The following MACO1 variants were observed in gnomAD, a reference collection of about 807,000 sequenced individuals.
MACO1 encodes macoilin 1.
In MACO1, 14 loss-of-function variants were observed where a neutral mutation model predicts 78.7. The observed-to-expected ratio is 0.18, with a 90% confidence interval of 0.12 to 0.28. MACO1 has a LOEUF of 0.28. Ranked by LOEUF, MACO1 falls within the 10% of genes least tolerant of loss-of-function variation. The pLI is 1.00. For synonymous variants in MACO1, 288 were observed against 291.6 expected, an observed-to-expected ratio of 0.99 and a Z score of 0.12; for missense variants, 501 against 799.0, an observed-to-expected ratio of 0.63 and a Z score of 4.50.
intron 5 of MACO1, among the ~76,000 whole-genome samples, chr1:25,458,087 G>A (rs1330541500): frequency 3.3e-5 from 5 of 152,278 alleles, no homozygotes; most frequent in African/African-American, 7.2e-5. Context: ...TACACAAAGT[G>A]TGACCTAATT....
intron 6 of MACO1, among the ~76,000 whole-genome samples, chr1:25,477,667 T>G (rs150504556): frequency 6.6e-6 from 1 of 152,338 alleles, no homozygotes; most frequent in East Asian, 1.9e-4. Flanking sequence ...AAGGTCTGCT[T>G]CTTTTTTATA....
chr1:25,452,547 T>C (rs767757305), intron 3 of MACO1, among the ~76,000 whole-genome samples: 2 of 152,246 alleles, frequency 1.3e-5, no homozygotes, highest in Non-Finnish European at 2.9e-5. Context: ...AAGGATTATT[T>C]TTTTTATGTC....
intron 6 of MACO1, among the ~76,000 whole-genome samples, chr1:25,460,847 C>G (rs1394786284): frequency 6.6e-6 from 1 of 151,984 alleles, no homozygotes; most frequent in Admixed American, 6.6e-5. Flanking sequence ...CTACAGTGTC[C>G]CAGGTATTAC....
chr1:25,435,120 C>T (rs761415619), intron 1 of MACO1, among the ~76,000 whole-genome samples: 1 of 152,062 alleles, frequency 6.6e-6, no homozygotes, highest in African/African-American at 2.4e-5. Flanking sequence ...AAATATAATA[C>T]GAATTTTAAG....
intron 6 of MACO1, among the ~76,000 whole-genome samples, chr1:25,462,815 T>A (rs2043183559): frequency 1.8e-5 from 1 of 56,716 alleles, no homozygotes. Context: ...CAGGTCTTTC[T>A]CAAGCTCTCT....
intron 5 of MACO1, among the ~76,000 whole-genome samples, chr1:25,457,135 A>T (rs1571964328): frequency 6.6e-6 from 1 of 151,524 alleles, no homozygotes; most frequent in South Asian, 2.1e-4. Context: ...GGAGGGTCTC[A>T]CTCTGTTGCC....
intron 6 of MACO1, among the ~76,000 whole-genome samples, chr1:25,461,255 A>C (rs930610720): frequency 1.3e-5 from 2 of 151,916 alleles, no homozygotes; most frequent in Non-Finnish European, 2.9e-5. Context: ...AGATACACCT[A>C]ATACTACATG....
At chr1:25,469,108 G>T (rs1373456317) in intron 6 of MACO1, among the ~76,000 whole-genome samples, 1 of 152,010 alleles carries the variant, frequency 6.6e-6, no homozygotes, top group East Asian at 1.9e-4. Context: ...CTCCCAAAGT[G>T]CTAGGATTAC....
chr1:25,456,182 C>T (rs569766099), intron 4 of MACO1, among the ~76,000 whole-genome samples: 1 of 149,692 alleles, frequency 6.7e-6, no homozygotes, highest in African/African-American at 2.5e-5. Flanking sequence ...CACTTGAACC[C>T]GAGAGGCGGA....
chr1:25,454,462 G>GTATATA (rs1460300897), intron 4 of MACO1, 80 bp downstream of exon 4: 9 of 191,638 alleles, frequency 4.7e-5, no homozygotes, highest in South Asian at 4.4e-4. Flanking sequence ...GTGTGTGTGT[G>GTATATA]TGTGTGTGTA....
chr1:25,451,372 A>G (rs1230178599), intron 3 of MACO1, among the ~76,000 whole-genome samples: 2 of 152,180 alleles, frequency 1.3e-5, no homozygotes, highest in South Asian at 2.1e-4. Context: ...TGTACGTACA[A>G]TATGATTATT....
chr1:25,450,370 C>T (rs1372857391), intron 3 of MACO1, among the ~76,000 whole-genome samples: 1 of 152,072 alleles, frequency 6.6e-6, no homozygotes, highest in Non-Finnish European at 1.5e-5. Flanking sequence ...AGACTAAGAT[C>T]AGATGAGATA....
intron 6 of MACO1, among the ~76,000 whole-genome samples, chr1:25,482,259 T>C (rs939347556): frequency 6.6e-6 from 1 of 152,218 alleles, no homozygotes; most frequent in African/African-American, 2.4e-5. Flanking sequence ...ATTCCTAGTT[T>C]GTGGTAGGAA....
chr1:25,453,352 T>G (rs1310442696), intron 3 of MACO1, among the ~76,000 whole-genome samples: 2 of 149,812 alleles, frequency 1.3e-5, no homozygotes, highest in Non-Finnish European at 3.0e-5. Context: ...TATGTTTCTA[T>G]GGGGTAGATT....
intron 4 of MACO1, among the ~76,000 whole-genome samples, 184 bp downstream of exon 4, chr1:25,454,566 C>T (rs543885109): frequency 1.3e-5 from 2 of 150,040 alleles, no homozygotes; most frequent in South Asian, 4.2e-4. Flanking sequence ...TATGCAACCT[C>T]TGCCTCCCGG....
chr1:25,437,405 C>A (rs1223062921), intron 1 of MACO1, among the ~76,000 whole-genome samples: 1 of 151,028 alleles, frequency 6.6e-6, no homozygotes, highest in Non-Finnish European at 1.5e-5. Context: ...GAGCCACTCA[C>A]CTTGACCTCT....
At chr1:25,435,501 G>A (rs1416505791) in intron 1 of MACO1, among the ~76,000 whole-genome samples, 2 of 152,104 alleles carry the variant, frequency 1.3e-5, no homozygotes, top group Admixed American at 6.5e-5. Context: ...CTGATCTCCA[G>A]AGGTTTCATT....
intron 4 of MACO1, among the ~76,000 whole-genome samples, chr1:25,455,768 A>G (rs1329496825): frequency 6.6e-6 from 1 of 152,232 alleles, no homozygotes; most frequent in Non-Finnish European, 1.5e-5. Context: ...CAGAATTTAT[A>G]TATGACAGAG....
chr1:25,434,538 C>CT (rs1348307425), intron 1 of MACO1, among the ~76,000 whole-genome samples: 4 of 152,050 alleles, frequency 2.6e-5, no homozygotes, highest in Admixed American at 6.5e-5. Flanking sequence ...TTCCAAAGAA[C>CT]TTTAAGTTCT....
Sources: allele counts gnomAD v4.1 joint callset (sites outside exome capture counted in the v4.1 genomes callset), GRCh38; gene constraint gnomAD v4.1.1; transcripts MANE v1.5; gene names NCBI Gene and HGNC (gene_info 2026-07-23, HGNC 2026-07-21).